The following PRKAG2 variants were observed in gnomAD, a reference collection of about 807,000 sequenced individuals.
The protein encoded by PRKAG2 is protein kinase AMP-activated non-catalytic subunit gamma 2.
Under a neutral mutation model 69.6 loss-of-function variants are expected in PRKAG2, and 26 were observed. The observed-to-expected ratio is 0.37, with a 90% CI of 0.27 to 0.52. The LOEUF (loss-of-function observed/expected upper bound fraction) is 0.52, where lower values mean the gene tolerates loss of function less well. Among genes scored for constraint, PRKAG2 ranks in the 20% least tolerant of loss-of-function variants. The pLI, the probability that PRKAG2 is intolerant of heterozygous loss-of-function variation, is 0.90. For synonymous variants in PRKAG2, 293 were observed against 285.0 expected, an observed-to-expected ratio of 1.03 and a Z score of -0.28; for missense variants, 557 against 740.0, an observed-to-expected ratio of 0.75 and a Z score of 2.87.
rs1358094369 is a variant in PRKAG2, at chr7:151,699,707, GAC to G, written c.467-24072_467-24071del. Among the ~76,000 whole-genome samples the G allele has an allele frequency of 1.3e-5, 2 of 152,200 alleles. No individual in the cohort carries two copies. The highest frequency in any genetic ancestry group is 2.4e-5 in the African/African-American group (1 of 41,452). ...CAGAAAGAAATGCATGAGCCATTAA[GAC>G]AGTGCAGGAAGCATCTGATGGAGGA... is the stretch of plus-strand genomic sequence containing the variant. On this transcript the variant is annotated intron_variant, in intron 3 of 15. Coordinates refer to ENST00000287878, the MANE Select transcript of PRKAG2 (RefSeq NM_016203.4). The surrounding 1 kb of genome is among the most constrained non-coding windows in gnomAD (Gnocchi z 4.5).
At chr7:151,642,871 A>G (rs1357539849) in intron 4 of PRKAG2, among the ~76,000 whole-genome samples, 1 of 152,254 alleles carries the variant, frequency 6.6e-6, no homozygotes, top group Non-Finnish European at 1.5e-5. Flanking sequence ...TAAGCTTTTG[A>G]AGACAGTCAT....
chr7:151,876,177 C>T (rs2080397639), intron 1 of PRKAG2, among the ~76,000 whole-genome samples: 2 of 151,806 alleles, frequency 1.3e-5, no homozygotes, highest in African/African-American at 4.8e-5. Context: ...AACAACACAA[C>T]GCACCGCCCC....
intron 15 of PRKAG2, chr7:151,559,829 G>A: frequency 5.1e-6 from 5 of 985,346 alleles, no homozygotes; most frequent in Non-Finnish European, 6.0e-6. Flanking sequence ...TGGGGCTGGG[G>A]AGGTGGAGGG....
At chr7:151,639,905 C>T (rs1217745230) in intron 4 of PRKAG2, among the ~76,000 whole-genome samples, 1 of 152,158 alleles carries the variant, frequency 6.6e-6, no homozygotes, top group Non-Finnish European at 1.5e-5. Context: ...ATCAATCAAT[C>T]AATCAATCAT....
intron 5 of PRKAG2, among the ~76,000 whole-genome samples, chr7:151,620,367 G>A (rs1185012373): frequency 6.6e-6 from 1 of 151,714 alleles, no homozygotes; most frequent in African/African-American, 2.4e-5. Context: ...TTAGAGATAG[G>A]ATCACATTAT....
At chr7:151,676,980 T>C (rs1208913789) in intron 3 of PRKAG2, among the ~76,000 whole-genome samples, 3 of 152,160 alleles carry the variant, frequency 2.0e-5, no homozygotes, top group African/African-American at 7.2e-5. Flanking sequence ...CAAAGAGGAA[T>C]CCTCCCCTAC....
chr7:151,576,706 G>A (rs377509537), intron 6 of PRKAG2, among the ~76,000 whole-genome samples: 65 of 152,138 alleles, frequency 4.3e-4, no homozygotes, highest in African/African-American at 1.5e-3. Flanking sequence ...TCACCATGTT[G>A]GCTAAGCTCG....
At chr7:151,611,382 G>A (rs988382430) in intron 5 of PRKAG2, among the ~76,000 whole-genome samples, 4 of 152,222 alleles carry the variant, frequency 2.6e-5, no homozygotes, top group African/African-American at 9.7e-5. Flanking sequence ...ATCCAGGGCG[G>A]TGCAGCGCTT....
At chr7:151,794,786 G>T (rs2077417279) in intron 1 of PRKAG2, among the ~76,000 whole-genome samples, 1 of 152,250 alleles carries the variant, frequency 6.6e-6, no homozygotes, top group African/African-American at 2.4e-5. Flanking sequence ...TTCTAAAGAG[G>T]ATCACAGCAT....
intron 1 of PRKAG2, among the ~76,000 whole-genome samples, chr7:151,797,411 T>C (rs1161061898): frequency 6.6e-6 from 1 of 151,990 alleles, no homozygotes. Context: ...CTCCTCTACG[T>C]AGAGGACCTT....
At chr7:151,865,503 G>T (rs2080041035) in intron 1 of PRKAG2, among the ~76,000 whole-genome samples, 1 of 152,234 alleles carries the variant, frequency 6.6e-6, no homozygotes, top group Non-Finnish European at 1.5e-5. Flanking sequence ...AGCCTTGTGA[G>T]GGGAGAGAGG....
intron 4 of PRKAG2, among the ~76,000 whole-genome samples, chr7:151,633,733 CTG>C (rs1419858553): frequency 5.3e-5 from 8 of 152,116 alleles, no homozygotes; most frequent in Non-Finnish European, 1.0e-4. Context: ...AAATCACAAA[CTG>C]TAGATGAAAG....
At chr7:151,785,937 G>A (rs1238865236) in intron 2 of PRKAG2, among the ~76,000 whole-genome samples, 4 of 152,204 alleles carry the variant, frequency 2.6e-5, no homozygotes, top group African/African-American at 9.6e-5. Flanking sequence ...CCTAATGGGA[G>A]GGAAATTCAC....
chr7:151,839,891 G>T (rs1205059249), intron 1 of PRKAG2, among the ~76,000 whole-genome samples: 1 of 152,114 alleles, frequency 6.6e-6, no homozygotes, highest in East Asian at 1.9e-4. Flanking sequence ...GAGCAGGGCG[G>T]CAGAGGAAGC....
chr7:151,631,939 CT>C (rs1283481969), intron 5 of PRKAG2, 129 bp downstream of exon 5: 2 of 982,666 alleles, frequency 2.0e-6, no homozygotes, highest in Non-Finnish European at 2.6e-6. Flanking sequence ...GCCCCGGCCC[CT>C]GGGCTTCCGC....
chr7:151,619,975 C>T (rs934828950), intron 5 of PRKAG2, among the ~76,000 whole-genome samples: 5 of 152,134 alleles, frequency 3.3e-5, no homozygotes, highest in African/African-American at 9.7e-5. Flanking sequence ...GAGCCGAGAT[C>T]GCGCCACTGT....
At chr7:151,790,137 G>C (rs988456581) in intron 1 of PRKAG2, among the ~76,000 whole-genome samples, 14 of 152,060 alleles carry the variant, frequency 9.2e-5, no homozygotes, top group African/African-American at 3.1e-4. Flanking sequence ...CCAGCCCCCA[G>C]CATGAAGCCC....
chr7:151,829,474 A>G lies in PRKAG2; in HGVS notation c.115-42933T>C, dbSNP rs369818536. On this transcript the variant is annotated intron_variant, in intron 1 of 15. Coordinates refer to ENST00000287878, the MANE Select transcript of PRKAG2 (RefSeq NM_016203.4). ...TGGAAAACTGCCTGGCAGTGCCTCA[A>G]AAGTTAAATGTAAAGTCACAATATG... Among the ~76,000 whole-genome samples the G allele has an allele frequency of 1.1e-3, 172 of 150,940 alleles. 2 individuals carry two copies. In the Middle Eastern group the frequency reaches 0.034, roughly 30 times the overall value.
At chr7:151,599,256 G>T (rs968539694) in intron 5 of PRKAG2, among the ~76,000 whole-genome samples, 1 of 152,114 alleles carries the variant, frequency 6.6e-6, no homozygotes, top group Non-Finnish European at 1.5e-5. Context: ...AAATCTAGGA[G>T]TCACCCTTGC....
Sources: gnomAD v4.1 joint callset for allele counts (sites outside exome capture counted in the v4.1 genomes callset) on GRCh38, gnomAD v4.1.1 for gene constraint, Gnocchi (gnomAD v3.1) non-coding constraint, MANE v1.5 for transcripts, NCBI Gene and HGNC (gene_info 2026-07-23, HGNC 2026-07-21) for gene names.